Variants in SEC24B observed in about 807,000 individuals in gnomAD.
SEC24B encodes protein transport protein Sec24B.
A neutral mutation model predicts 142.8 loss-of-function variants in SEC24B; 45 were observed. The observed-to-expected ratio is 0.32, with a 90% confidence interval of 0.25 to 0.40. The LOEUF (loss-of-function observed/expected upper bound fraction) is 0.40. SEC24B is among the 10% of genes least tolerant of loss of function. The pLI is 1.00. For missense variants in SEC24B, 1,409 were observed against 1,526.8 expected, an observed-to-expected ratio of 0.92 and a Z score of 1.29; for synonymous variants, 574 against 568.2, an observed-to-expected ratio of 1.01 and a Z score of -0.15.
intron 3 of SEC24B, 131 bp downstream of exon 3, chr4:109,473,317 A>G (rs1219356472): frequency 1.9e-6 from 1 of 532,972 alleles, no homozygotes; most frequent in East Asian, 3.4e-5. Context: ...TGTCTCATAT[A>G]TGTTTTACAT....
chr4:109,474,756 A>G (rs541199797), intron 3 of SEC24B, among the ~76,000 whole-genome samples: 1 of 152,262 alleles, frequency 6.6e-6, no homozygotes, highest in Non-Finnish European at 1.5e-5. Context: ...CCATCTTACT[A>G]TAAATACCAT....
At chr4:109,475,318 A>C (rs1176972190) in intron 3 of SEC24B, among the ~76,000 whole-genome samples, 1 of 152,194 alleles carries the variant, frequency 6.6e-6, no homozygotes. Flanking sequence ...GGTGGTGCGA[A>C]TTGTCATTTG....
At chr4:109,500,063 T>G (rs992180593) in intron 6 of SEC24B, among the ~76,000 whole-genome samples, 2 of 152,140 alleles carry the variant, frequency 1.3e-5, no homozygotes, top group African/African-American at 4.8e-5. Flanking sequence ...ATGTGTGTGT[T>G]TGTGTATTCA....
chr4:109,445,317 C>T (rs1442194153), intron 1 of SEC24B, among the ~76,000 whole-genome samples: 3 of 142,334 alleles, frequency 2.1e-5, no homozygotes, highest in Non-Finnish European at 3.0e-5. Flanking sequence ...AATCTCGGCT[C>T]ACTGCAAGCT....
intron 2 of SEC24B, among the ~76,000 whole-genome samples, chr4:109,470,091 T>TA (rs1314165409): frequency 3.3e-5 from 5 of 152,216 alleles, no homozygotes; most frequent in African/African-American, 9.6e-5. Context: ...TTAGAAAGTC[T>TA]AACAATACCA....
intron 12 of SEC24B, 107 bp downstream of exon 12, chr4:109,520,591 C>G (rs932591126): frequency 8.0e-6 from 6 of 745,458 alleles, no homozygotes; most frequent in Non-Finnish European, 9.5e-6. Flanking sequence ...ATGTCATGCA[C>G]TTTAGTATTT....
chr4:109,538,709 G>A (rs1452012189), intron 23 of SEC24B, 113 bp downstream of exon 23: 2 of 628,800 alleles, frequency 3.2e-6, no homozygotes. Context: ...ATGGTAAAAT[G>A]TTGTTACTTG....
intron 6 of SEC24B, among the ~76,000 whole-genome samples, chr4:109,495,116 A>G (rs906864935): frequency 6.6e-6 from 1 of 152,194 alleles, no homozygotes; most frequent in Non-Finnish European, 1.5e-5. Flanking sequence ...TTTCTTCATG[A>G]TATCTTTATT....
chr4:109,493,764 T>C (rs1199515554), intron 5 of SEC24B, among the ~76,000 whole-genome samples: 1 of 151,916 alleles, frequency 6.6e-6, no homozygotes, highest in African/African-American at 2.4e-5. Context: ...GCTCAGCTAA[T>C]TTTTGTATTT....
At chr4:109,439,474 ATT>A (rs70949077) in intron 1 of SEC24B, among the ~76,000 whole-genome samples, 2 of 43,996 alleles carry the variant, frequency 4.5e-5, no homozygotes, top group Non-Finnish European at 8.0e-5. Context: ...TCCTAAGCTG[ATT>A]TTTTTTTTTT....
rs1737387399 is a variant in SEC24B at position 109,511,982 on chromosome 4, C to T, written c.1802C>T (p.Thr601Ile). 5.0e-6 allele frequency: 8 copies of T among 1,613,488 alleles called. No individual in the cohort carries two copies. The highest frequency in any genetic ancestry group is 4.5e-5 in the East Asian group (2 of 44,878). ...LTQLPVITSNTIVRCRSCRTY... is the reference protein window; with the variant it reads ...LTQLPVITSNIIVRCRSCRTY... ...CAATTACCAGTGATAACATCAAATACCATTGTGAGGTGCCGATCCTGTCGA... is the reference window on the plus strand; with the variant it reads ...CAATTACCAGTGATAACATCAAATATCATTGTGAGGTGCCGATCCTGTCGA... Residue 601 changes from threonine to isoleucine, a missense_variant, in exon 9 of 24, where the codon ACC becomes ATC. Physicochemically the swap from Thr to Ile is moderately conservative, Grantham distance 89 (BLOSUM62 -1). Transcript: ENST00000265175.
At chr4:109,465,504 C>G (rs1288843634) in intron 2 of SEC24B, among the ~76,000 whole-genome samples, 1 of 152,174 alleles carries the variant, frequency 6.6e-6, no homozygotes, top group Non-Finnish European at 1.5e-5. Context: ...TCTTCTGTCT[C>G]CCTCAGAACC....
intron 1 of SEC24B, among the ~76,000 whole-genome samples, chr4:109,441,382 A>C (rs1728912194): frequency 6.6e-6 from 1 of 152,222 alleles, no homozygotes; most frequent in African/African-American, 2.4e-5. Flanking sequence ...TTATATGTAG[A>C]AAAGCAAGGT....
chr4:109,513,997 AT>A (rs1452617276), intron 10 of SEC24B, 141 bp downstream of exon 10: 28 of 586,446 alleles, frequency 4.8e-5, no homozygotes, highest in Non-Finnish European at 7.6e-5. Flanking sequence ...GGAAGTTTAT[AT>A]TTAACAAAGA....
chr4:109,495,063 A>G (rs993676326), intron 6 of SEC24B, among the ~76,000 whole-genome samples: 3 of 152,194 alleles, frequency 2.0e-5, no homozygotes, highest in Non-Finnish European at 2.9e-5. Context: ...TCACATTTTT[A>G]AAGAGGTTAA....
intron 1 of SEC24B, among the ~76,000 whole-genome samples, chr4:109,448,677 C>A (rs1729734672): frequency 6.6e-6 from 1 of 152,068 alleles, no homozygotes; most frequent in Non-Finnish European, 1.5e-5. Context: ...TCCTGACCTG[C>A]CCACCTCAGC....
At chr4:109,526,011 T>C (rs951119766) in intron 16 of SEC24B, among the ~76,000 whole-genome samples, 1 of 152,184 alleles carries the variant, frequency 6.6e-6, no homozygotes, top group African/African-American at 2.4e-5. Flanking sequence ...TAAGGTTAGG[T>C]GTCAATACAA....
intron 1 of SEC24B, among the ~76,000 whole-genome samples, chr4:109,439,382 T>TAGCTATAA (rs2125889814): frequency 6.6e-6 from 1 of 151,466 alleles, no homozygotes; most frequent in East Asian, 2.0e-4. Context: ...AGTCTCCATT[T>TAGCTATAA]ATAGCTAACC....
intron 8 of SEC24B, among the ~76,000 whole-genome samples, chr4:109,510,762 C>T (rs1325327275): frequency 6.6e-6 from 1 of 152,046 alleles, no homozygotes; most frequent in Admixed American, 6.5e-5. Flanking sequence ...TTATTCAGGG[C>T]TGTTTTATTT....
Sources: gnomAD v4.1 joint callset for allele counts (sites outside exome capture counted in the v4.1 genomes callset) on GRCh38, gnomAD v4.1.1 for gene constraint, MANE v1.5 for transcripts, NCBI Gene and HGNC (gene_info 2026-07-23, HGNC 2026-07-21) for gene names.